Variants in SPMIP4 observed in about 807,000 individuals in gnomAD.
The protein encoded by SPMIP4 is sperm-associated microtubule inner protein 4.
the SPMIP4 span, among the ~76,000 whole-genome samples, chr7:25,144,444 C>T: frequency 6.6e-6 from 1 of 152,194 alleles, no homozygotes; most frequent in Admixed American, 6.5e-5. Context: ...TTACCCACCA[C>T]CTCACTTCTA....
At chr7:25,136,064 T>G in the SPMIP4 span, 2 of 1,614,012 alleles carry the variant, frequency 1.2e-6, no homozygotes, top group African/African-American at 2.7e-5. The surrounding 1 kb of genome is among the most constrained non-coding windows in gnomAD (Gnocchi z 5.7). Flanking sequence ...TCTTCTAGAA[T>G]TGATTTATGG....
the SPMIP4 span, chr7:25,158,606 A>G: frequency 8.4e-7 from 1 of 1,187,178 alleles, no homozygotes; most frequent in African/African-American, 1.5e-5. Flanking sequence ...TAGAAACTTG[A>G]TTAATGATAT....
At chr7:25,135,374 GTTTCA>G in the SPMIP4 span, 1 of 985,442 alleles carries the variant, frequency 1.0e-6, no homozygotes, top group Non-Finnish European at 1.2e-6. Flanking sequence ...AGAGTTTTGG[GTTTCA>G]TTTTTTTCGC....
chr7:25,142,457 A>C, the SPMIP4 span: 2 of 855,770 alleles, frequency 2.3e-6, no homozygotes, highest in Non-Finnish European at 3.5e-6. Flanking sequence ...ATGAAAACCA[A>C]CCCTACCTCC....
chr7:25,176,254 A>G, the SPMIP4 span, among the ~76,000 whole-genome samples: 1 of 152,228 alleles, frequency 6.6e-6, no homozygotes, highest in African/African-American at 2.4e-5. The surrounding 1 kb of genome is among the most constrained non-coding windows in gnomAD (Gnocchi z 4.4). Context: ...AGCCTTTGAC[A>G]GTGCTTTTTG....
chr7:25,141,756 G>C, the SPMIP4 span, among the ~76,000 whole-genome samples: 1 of 149,550 alleles, frequency 6.7e-6, no homozygotes, highest in African/African-American at 2.5e-5. Flanking sequence ...TCTTTTTTTT[G>C]AGACGTAGTC....
chr7:25,145,187 C>T, the SPMIP4 span, among the ~76,000 whole-genome samples: 1 of 151,440 alleles, frequency 6.6e-6, no homozygotes, highest in Non-Finnish European at 1.5e-5. Context: ...TGGTCTCCAA[C>T]TCCTGACCTC....
At chr7:25,167,176 C>T in the SPMIP4 span, among the ~76,000 whole-genome samples, 5 of 152,174 alleles carry the variant, frequency 3.3e-5, no homozygotes, top group East Asian at 1.9e-4. Flanking sequence ...TAGAACAATG[C>T]TTCCTATACT....
the SPMIP4 span, among the ~76,000 whole-genome samples, chr7:25,129,787 G>A: frequency 0.012 from 1,813 of 152,124 alleles, 32 homozygotes; most frequent in Middle Eastern, 0.051. Context: ...CAGCCCAATG[G>A]GTTCTTCTTG....
At chr7:25,163,632 A>G in the SPMIP4 span, among the ~76,000 whole-genome samples, 2 of 152,072 alleles carry the variant, frequency 1.3e-5, no homozygotes, top group African/African-American at 4.8e-5. The surrounding 1 kb of genome is among the most constrained non-coding windows in gnomAD (Gnocchi z 4.4). Flanking sequence ...CCTCACTAAG[A>G]CTCACCTGGC....
At chr7:25,180,168 G>T in the SPMIP4 span, 1 of 152,664 alleles carries the variant, frequency 6.6e-6, no homozygotes, top group Non-Finnish European at 1.5e-5. Context: ...GACGGTGGCC[G>T]TGACCGCGGC....
the SPMIP4 span, among the ~76,000 whole-genome samples, chr7:25,139,021 G>A: frequency 6.2e-4 from 94 of 152,278 alleles, no homozygotes; most frequent in African/African-American, 2.2e-3. Flanking sequence ...TGACTGGGAG[G>A]GGGTATGAGG....
At chr7:25,140,741 C>T in the SPMIP4 span, among the ~76,000 whole-genome samples, 2 of 151,502 alleles carry the variant, frequency 1.3e-5, no homozygotes, top group Non-Finnish European at 2.9e-5. Context: ...GCGCCCACCA[C>T]CACGCCCGGC....
the SPMIP4 span, chr7:25,161,358 T>C: frequency 5.7e-6 from 3 of 530,874 alleles, no homozygotes; most frequent in East Asian, 3.3e-5. Flanking sequence ...CATATCCACA[T>C]ATATGTAGAA....
the SPMIP4 span, among the ~76,000 whole-genome samples, chr7:25,173,114 G>GGGGAGAGACAGGAAGA: frequency 6.6e-6 from 1 of 151,918 alleles, no homozygotes; most frequent in Non-Finnish European, 1.5e-5. The surrounding 1 kb of genome is among the most constrained non-coding windows in gnomAD (Gnocchi z 4.4). Flanking sequence ...GGAGAGAGAA[G>GGGGAGAGACAGGAAGA]GGGAGAGACA....
chr7:25,148,955 T>G, the SPMIP4 span, among the ~76,000 whole-genome samples: 1 of 152,222 alleles, frequency 6.6e-6, no homozygotes, highest in Non-Finnish European at 1.5e-5. Flanking sequence ...AAGTGACCTA[T>G]AGAAAACAGA....
At chr7:25,137,301 C>CTTTTTT in the SPMIP4 span, among the ~76,000 whole-genome samples, 4 of 127,096 alleles carry the variant, frequency 3.1e-5, no homozygotes, top group South Asian at 2.4e-4. Flanking sequence ...GCTGAATTTT[C>CTTTTTT]TTTTTTTTTT....
At chr7:25,136,630 G>C in the SPMIP4 span, 1 of 1,614,044 alleles carries the variant, frequency 6.2e-7, no homozygotes, top group South Asian at 1.1e-5. The surrounding 1 kb of genome is among the most constrained non-coding windows in gnomAD (Gnocchi z 5.7). Flanking sequence ...TTTAGAACTG[G>C]GTACAAAGGT....
At chr7:25,159,637 A>T in the SPMIP4 span, among the ~76,000 whole-genome samples, 1 of 152,230 alleles carries the variant, frequency 6.6e-6, no homozygotes, top group Non-Finnish European at 1.5e-5. Context: ...AGAAAGTGGC[A>T]TGTAAGCCAT....
Sources: gnomAD v4.1 joint callset for allele counts (sites outside exome capture counted in the v4.1 genomes callset) on GRCh38, gnomAD v4.1.1 for gene constraint, Gnocchi (gnomAD v3.1) non-coding constraint, MANE v1.5 for transcripts, NCBI Gene and HGNC (gene_info 2026-07-23, HGNC 2026-07-21) for gene names.